The following IL23R variants were observed in gnomAD, a reference collection of about 807,000 sequenced individuals.
IL23R encodes the protein interleukin-23 receptor.
Under a neutral mutation model 56.9 loss-of-function variants are expected in IL23R, and 34 were observed. The ratio of observed to expected loss-of-function variants is 0.60; its 90% CI spans 0.45 to 0.80. The LOEUF (loss-of-function observed/expected upper bound fraction) is 0.80, where lower values mean the gene tolerates loss of function less well. Among genes scored for constraint, IL23R ranks in the 30% least tolerant of loss-of-function variants. The pLI, the probability that IL23R is intolerant of heterozygous loss-of-function variation, is 0.00. For missense variants in IL23R, 635 were observed against 730.0 expected, an observed-to-expected ratio of 0.87 and a Z score of 1.50; for synonymous variants, 230 against 249.2, an observed-to-expected ratio of 0.92 and a Z score of 0.73.
At chr1:67,179,126 C>A (rs149772843) in intron 3 of IL23R, among the ~76,000 whole-genome samples, 1,550 of 152,272 alleles carry the variant, frequency 0.01, 26 homozygotes, top group African/African-American at 0.036. Context: ...AAGATGCTGG[C>A]CTCATAAAAT....
chr1:67,170,134 T>C (rs889605744), intron 3 of IL23R, among the ~76,000 whole-genome samples: 5 of 152,220 alleles, frequency 3.3e-5, no homozygotes, highest in African/African-American at 4.8e-5. Flanking sequence ...AAACTAGTTT[T>C]GTGCTCCCAC....
chr1:67,207,438 C>T (rs7542066), intron 6 of IL23R, among the ~76,000 whole-genome samples: 47,811 of 151,956 alleles, frequency 0.31, 7,990 homozygotes, highest in South Asian at 0.55. Context: ...GATTTGGCTG[C>T]ATCCCCACCA....
intron 1 of IL23R, among the ~76,000 whole-genome samples, chr1:67,153,435 T>G (rs1401836004): frequency 3.3e-5 from 5 of 152,136 alleles, no homozygotes; most frequent in Non-Finnish European, 7.4e-5. Flanking sequence ...GTTTTTTGTG[T>G]CTCTATCTCC....
rs1653141803 is a variant in IL23R, at chr1:67,259,902, T to C, written c.*774T>C. On this transcript the variant is annotated 3_prime_UTR_variant, in exon 11 of 11. Transcript: ENST00000347310. ...TCACTTGAACCAGGAAGGCAGAGGT[T>C]GCACTGAGCTGAGATTGTGCCACTG... 1.5e-5 allele frequency: 2 copies of C among 135,734 alleles called. No individual in the cohort carries two copies. The highest frequency in any genetic ancestry group is 1.6e-4 in the Admixed American group (2 of 12,188). 8.4% of individuals were successfully genotyped at this position (135,734 alleles called of 1,614,324 possible).
chr1:67,258,656 C>T lies in IL23R; in HGVS notation c.1418C>T (p.Thr473Ile), dbSNP rs757737950. ...CAAAACTCGCTATTCGACAATACTA[C>T]AGTTGTATATATTCCTGATCTCAAC... ...YPQNSLFDNT[T>I]VVYIPDLNTG... The change falls in exon 11 of 11, where the codon ACA (threonine) becomes ATA (isoleucine). Residue 473 changes from threonine (T) to isoleucine (I), a missense_variant. By Grantham distance (89) the Thr-to-Ile change is moderately conservative. Transcript: ENST00000347310. 1.2e-6 allele frequency: 2 copies of T among 1,613,942 alleles called. No individual in the cohort carries two copies. The highest frequency in any genetic ancestry group is 1.7e-6 in the Non-Finnish European group (2 of 1,179,950).
At chr1:67,255,686 A>G (rs1652906395) in intron 9 of IL23R, 151 bp from the exon 10 acceptor site, 1 of 542,850 alleles carries the variant, frequency 1.8e-6, no homozygotes, top group Non-Finnish European at 3.5e-6. Flanking sequence ...CAATCCTCCC[A>G]CCTCAGCCTC....
intron 9 of IL23R, among the ~76,000 whole-genome samples, chr1:67,240,879 A>T (rs1386442694): frequency 6.6e-6 from 1 of 152,194 alleles, no homozygotes; most frequent in Non-Finnish European, 1.5e-5. Context: ...GCAGTGAGGT[A>T]CAGAAACAGC....
intron 6 of IL23R, among the ~76,000 whole-genome samples, chr1:67,217,505 T>G (rs1027559901): frequency 6.6e-6 from 1 of 152,072 alleles, no homozygotes; most frequent in Admixed American, 6.5e-5. Context: ...AGCAAACATA[T>G]TGGAGACTAA....
chr1:67,215,677 A>C (rs1001035982), intron 6 of IL23R, among the ~76,000 whole-genome samples: 1 of 152,164 alleles, frequency 6.6e-6, no homozygotes, highest in Non-Finnish European at 1.5e-5. Flanking sequence ...AAGGCTCTCC[A>C]CCTGCTGCTG....
At chr1:67,147,667 G>C (rs1395389326) in intron 1 of IL23R, among the ~76,000 whole-genome samples, 2 of 151,944 alleles carry the variant, frequency 1.3e-5, no homozygotes, top group Non-Finnish European at 2.9e-5. Flanking sequence ...GCATGCCACT[G>C]CACTCCAGCC....
intron 6 of IL23R, among the ~76,000 whole-genome samples, chr1:67,210,658 T>G (rs771259879): frequency 6.6e-6 from 1 of 151,934 alleles, no homozygotes; most frequent in African/African-American, 2.4e-5. Context: ...TTTTTGTAGA[T>G]TCTTGCCATG....
chr1:67,207,160 CT>C, intron 6 of IL23R, 105 bp downstream of exon 6: 1 of 1,229,500 alleles, frequency 8.1e-7, no homozygotes, highest in Non-Finnish European at 1.2e-6. Context: ...TGTTTTTAAT[CT>C]GATTGTTTGC....
At chr1:67,225,827 C>A (rs1264081032) in intron 7 of IL23R, among the ~76,000 whole-genome samples, 1 of 152,134 alleles carries the variant, frequency 6.6e-6, no homozygotes, top group Non-Finnish European at 1.5e-5. Context: ...TTGGGCACTT[C>A]TTAAAGTACA....
Position 67,185,395 on chromosome 1 carries a change from T to TA in IL23R, c.491+2444dup, listed in dbSNP as rs1031955951. On this transcript the variant is annotated intron_variant, in intron 4 of 10. Transcript: ENST00000347310. ...TTATGGAAGGGAATAACCTTCTTTT[T>TA]AAAAAAAATCTTTTTATTTATTTAT... Among the ~76,000 whole-genome samples the TA allele has an allele frequency of 6.6e-5, 10 of 152,184 alleles. No homozygotes were observed. In the East Asian group the frequency reaches 7.7e-4, roughly 12 times the overall value.
intron 9 of IL23R, among the ~76,000 whole-genome samples, chr1:67,251,658 A>C (rs144288148): frequency 6.6e-6 from 1 of 152,266 alleles, no homozygotes; most frequent in East Asian, 1.9e-4. Flanking sequence ...AGGAAAATTC[A>C]AGACAATTCA....
At chr1:67,220,329 A>G (rs1281355080) in intron 7 of IL23R, among the ~76,000 whole-genome samples, 1 of 151,946 alleles carries the variant, frequency 6.6e-6, no homozygotes, top group Non-Finnish European at 1.5e-5. Flanking sequence ...AGATTGTACC[A>G]CCGCACTCCA....
chr1:67,220,286 T>C (rs1312145810), intron 7 of IL23R, among the ~76,000 whole-genome samples: 3 of 151,924 alleles, frequency 2.0e-5, no homozygotes, highest in African/African-American at 7.3e-5. Flanking sequence ...GGAAAATTGC[T>C]TGAACCCAAG....
At chr1:67,143,216 G>A (rs1472216221) in intron 1 of IL23R, among the ~76,000 whole-genome samples, 4 of 152,124 alleles carry the variant, frequency 2.6e-5, no homozygotes, top group South Asian at 2.1e-4. Flanking sequence ...TAGACTGTTC[G>A]AAAATGAGTA....
intron 3 of IL23R, among the ~76,000 whole-genome samples, chr1:67,176,178 C>A (rs1346167694): frequency 2.0e-5 from 3 of 151,970 alleles, no homozygotes; most frequent in Non-Finnish European, 4.4e-5. Flanking sequence ...GGTTTAAATG[C>A]ATATGGGAAA....
Sources: gnomAD v4.1 joint callset for allele counts (sites outside exome capture counted in the v4.1 genomes callset) on GRCh38, gnomAD v4.1.1 for gene constraint, MANE v1.5 for transcripts, NCBI Gene and HGNC (gene_info 2026-07-23, HGNC 2026-07-21) for gene names.